The following HK3 variants were observed in gnomAD, a reference collection of about 807,000 sequenced individuals.
HK3 encodes hexokinase-3.
A neutral mutation model predicts 91.0 loss-of-function variants in HK3; 93 were observed. That is an observed-to-expected ratio of 1.02 (90% CI 0.86 to 1.21). HK3 has a LOEUF of 1.21. Among genes scored for constraint, HK3 ranks in the 50% most tolerant of loss-of-function variants. HK3 has a pLI of 0.00. For synonymous variants in HK3, 519 were observed against 516.9 expected, an observed-to-expected ratio of 1.00 and a Z score of -0.06; for missense variants, 1,235 against 1,247.4, an observed-to-expected ratio of 0.99 and a Z score of 0.15.
intron 10 of HK3, 91 bp downstream of exon 10, chr5:176,888,241 C>G (rs1196875722): frequency 6.3e-6 from 7 of 1,107,844 alleles, no homozygotes; most frequent in Non-Finnish European, 9.3e-6. Context: ...TGTCCACTGG[C>G]TTGCACATGT....
chr5:176,898,976 A>G (rs1758974652), intron 1 of HK3, among the ~76,000 whole-genome samples: 1 of 152,208 alleles, frequency 6.6e-6, no homozygotes, highest in Non-Finnish European at 1.5e-5. Context: ...CTAGAAAAAA[A>G]TAACAAAAAT....
At position 176,889,643 on chromosome 5, in the gene HK3, A is replaced by G. The variant is rs752578267; in HGVS notation, c.730+2T>C. 1.9e-6 allele frequency: 3 copies of G among 1,614,108 alleles called. 1 individual carries two copies. The highest frequency in any genetic ancestry group is 3.3e-5 in the Admixed American group (2 of 60,026). ...TGTCATCACAAATGGTCCATGGCTC[A>G]CCTACAACTAGCCCAACCTCACACG... On this transcript the variant is annotated splice_donor_variant, in intron 7 of 18. Coordinates refer to ENST00000292432, the MANE Select transcript of HK3 (RefSeq NM_002115.3). LOFTEE classifies it high-confidence loss of function.
At chr5:176,889,290 A>G in intron 8 of HK3, 91 bp downstream of exon 8, 1 of 1,400,028 alleles carries the variant, frequency 7.1e-7, no homozygotes, top group Admixed American at 2.0e-5. Flanking sequence ...GGAGGGGCCT[A>G]AGGGCCTGAG....
chr5:176,881,702 C>T lies in HK3; in HGVS notation c.2383G>A (p.Glu795Lys). 3.1e-6 allele frequency: 5 copies of T among 1,614,126 alleles called. No homozygotes were observed. The highest frequency in any genetic ancestry group is 4.2e-6 in the Non-Finnish European group (5 of 1,180,038). ...GTAGGCCTCAGGCACCTTTCGATCT[C>T]AGAGAGGAACTTGGTCTTGAAGATG... ...RDIFKTKFLSEIESDSLALRQ... is the reference protein window; with the variant it reads ...RDIFKTKFLSKIESDSLALRQ... The change falls in exon 17 of 19, where the codon GAG becomes AAG. Residue 795 changes from glutamate (E) to lysine (K), a missense_variant. Physicochemically the swap from Glu to Lys is moderately conservative, Grantham distance 56. Transcript: ENST00000292432.
intron 15 of HK3, 86 bp from the exon 16 acceptor site, chr5:176,882,213 TTCGGGCTCAC>T: frequency 7.1e-7 from 1 of 1,404,532 alleles, no homozygotes; most frequent in Non-Finnish European, 9.8e-7. Flanking sequence ...ATGGCAACGA[TTCGGGCTCAC>T]TCTCTCTACC....
chr5:176,883,633 A>G (rs1440892409), intron 15 of HK3, 137 bp downstream of exon 15: 11 of 659,186 alleles, frequency 1.7e-5, no homozygotes, highest in Non-Finnish European at 2.1e-5. Flanking sequence ...AGCCCAAGAG[A>G]TTGTTCCAGA....
chr5:176,891,237 A>G (rs376908987), intron 3 of HK3, 46 bp from the exon 4 acceptor site: 373 of 1,613,672 alleles, frequency 2.3e-4, no homozygotes, highest in Non-Finnish European at 3.1e-4. Flanking sequence ...TGGCAAGACC[A>G]GAGCCCTCTG....
In HK3 at chr5:176,887,560, C is replaced by A. The variant is rs148004045; in HGVS notation, c.1491G>T (p.Leu497=). The part of the protein sequence containing the change: ...LAPFRLNHDQ[L]AAVQAQMRKA... ...TCCGCATCTGTGCCTGAACCGCAGC[C>A]AGTTGATCATGGTTCAACCGGAATG... is the stretch of plus-strand genomic sequence containing the variant. The change falls in exon 11 of 19, where the codon CTG becomes CTT. Residue 497 remains leucine, a synonymous_variant. Transcript: ENST00000292432. This position sits in a 1 kb window ranked among gnomAD's most constrained non-coding sequence, Gnocchi z 4.9. 7.8e-5 allele frequency: 126 copies of A among 1,613,922 alleles called. No homozygotes were observed. Among genetic ancestry groups the A allele is most frequent in the Middle Eastern group, 4.9e-4 (3 of 6,062 alleles).
At position 176,886,090 on chromosome 5, in the gene HK3, G is replaced by A. The variant is rs144507388; in HGVS notation, c.1857+912C>T. On this transcript the variant is annotated intron_variant, in intron 13 of 18. Transcript: ENST00000292432. Reference sequence around the variant, plus strand: ...CATCTCTACTAAAAATGAGCTGGGCGTGTTGGCATGTGCCTGTAGTCCCAG... The same window carrying A: ...CATCTCTACTAAAAATGAGCTGGGCATGTTGGCATGTGCCTGTAGTCCCAG... 2.0e-3 allele frequency among the ~76,000 whole-genome samples: 303 copies of A among 152,164 alleles called. 3 individuals are homozygous for A. The highest frequency in any genetic ancestry group is 6.9e-3 in the African/African-American group (288 of 41,568).
At chr5:176,885,833 G>C (rs1377297219) in intron 13 of HK3, among the ~76,000 whole-genome samples, 1 of 151,926 alleles carries the variant, frequency 6.6e-6, no homozygotes, top group African/African-American at 2.4e-5. Context: ...ATCTTACAAG[G>C]AATAATCAAA....
intron 6 of HK3, among the ~76,000 whole-genome samples, chr5:176,890,321 G>A (rs1758731657): frequency 6.6e-6 from 1 of 152,266 alleles, no homozygotes. Flanking sequence ...TCCTTGACAC[G>A]GACAATCTTT....
rs766022871 is a variant in HK3, at chr5:176,881,969, C to A, written c.2212G>T (p.Ala738Ser). ...CTCTGCTTGCCGGGGTTGATGGACG[C>A]CTGGTCCACACTTGCATCAAAGCGG... ...STRFDASVDQASINPGKQRFE... is the reference protein window; with the variant it reads ...STRFDASVDQSSINPGKQRFE... Residue 738 changes from alanine (A) to serine (S), a missense_variant, in exon 16 of 19, where the codon GCG becomes TCG. This residue lies in a region of HK3 where 513 missense variants were observed against 477.4 expected (regional missense o/e 1.07). Coordinates refer to ENST00000292432, the MANE Select transcript of HK3 (RefSeq NM_002115.3). The A allele has an allele frequency of 1.9e-6, 3 of 1,613,638 alleles. No homozygotes were observed. The highest frequency in any genetic ancestry group is 1.7e-6 in the Non-Finnish European group (2 of 1,180,016).
chr5:176,881,712 C>G lies in HK3; in HGVS notation c.2373G>C (p.Lys791Asn), dbSNP rs781050453. 2 of 1,614,144 alleles carry G rather than the reference C, an allele frequency of 1.2e-6. No homozygotes were observed. Among genetic ancestry groups the G allele is most frequent in the Non-Finnish European group, 1.7e-6 (2 of 1,180,034 alleles). ...GGCACCTTTCGATCTCAGAGAGGAA[C>G]TTGGTCTTGAAGATGTCCCTGGTCT... is the stretch of plus-strand genomic sequence containing the variant. ...RLQTRDIFKT[K>N]FLSEIESDSL... Residue 791 changes from lysine (K) to asparagine (N), a missense_variant, in exon 17 of 19, where the codon AAG (lysine) becomes AAC (asparagine). Physicochemically the swap from Lys to Asn is moderately conservative, Grantham distance 94 (BLOSUM62 0). Around this residue, in one of 3 missense-constraint regions of HK3, gnomAD observed 513 missense variants for 477.4 expected, o/e 1.07. Coordinates refer to ENST00000292432, the MANE Select transcript of HK3 (RefSeq NM_002115.3).
Position 176,884,157 on chromosome 5 carries a change from T to C in HK3, c.1858-23A>G. ...GCCCTGGGGTGAGACCGAGAGGAAG[T>C]GGCAGGAAGCTGGAGGCCCCTTCAG... is the stretch of plus-strand genomic sequence containing the variant. On this transcript the variant is annotated intron_variant, in intron 13 of 18. Coordinates refer to ENST00000292432, the MANE Select transcript of HK3 (RefSeq NM_002115.3). The surrounding 1 kb of genome is among the most constrained non-coding windows in gnomAD (Gnocchi z 4.1). 6.2e-7 allele frequency: 1 copy of C among 1,603,590 alleles called. No homozygotes were observed.
intron 3 of HK3, 66 bp downstream of exon 3, chr5:176,891,322 G>C: frequency 1.2e-6 from 2 of 1,605,860 alleles, no homozygotes; most frequent in Non-Finnish European, 1.7e-6. Flanking sequence ...AATAAGGAAC[G>C]TTTCCCTCCC....
intron 2 of HK3, 61 bp from the exon 3 acceptor site, chr5:176,891,611 C>A: frequency 6.5e-7 from 1 of 1,543,110 alleles, no homozygotes; most frequent in Non-Finnish European, 8.8e-7. Context: ...GACTCCCCAC[C>A]TCCAAACAAG....
At position 176,887,561 on chromosome 5, in the gene HK3, A is replaced by G; in HGVS notation, c.1490T>C (p.Leu497Pro). The G allele has an allele frequency of 2.5e-6, 4 of 1,613,910 alleles. No individual in the cohort carries two copies. Among genetic ancestry groups the G allele is most frequent in the Non-Finnish European group, 3.4e-6 (4 of 1,180,004 alleles). ...LAPFRLNHDQ[L>P]AAVQAQMRKA... ...CCGCATCTGTGCCTGAACCGCAGCC[A>G]GTTGATCATGGTTCAACCGGAATGG... The change falls in exon 11 of 19, where the codon CTG (leucine) becomes CCG (proline). Residue 497 changes from leucine (L) to proline (P), a missense_variant. By Grantham distance (98) the Leu-to-Pro change is moderately conservative. Around this residue, in one of 3 missense-constraint regions of HK3, gnomAD observed 717 missense variants for 751.6 expected, o/e 0.95. Coordinates refer to ENST00000292432, the MANE Select transcript of HK3 (RefSeq NM_002115.3). This position sits in a 1 kb window ranked among gnomAD's most constrained non-coding sequence, Gnocchi z 4.9.
Position 176,896,138 on chromosome 5 carries a change from C to T in HK3, c.22G>A (p.Gly8Arg). 6.2e-7 allele frequency: 1 copy of T among 1,611,614 alleles called. No individual in the cohort carries two copies. The highest frequency in any genetic ancestry group is 8.5e-7 in the Non-Finnish European group (1 of 1,178,878). Residue 8 changes from glycine to arginine, a missense_variant, in exon 2 of 19, where the codon GGG becomes AGG. Physicochemically the swap from Gly to Arg is moderately radical, Grantham distance 125 (BLOSUM62 -2). Transcript: ENST00000292432. Reference protein sequence around the residue: MDSIGSSGLRQGEETLSC... With the variant: MDSIGSSRLRQGEETLSC... ...AGGGTTTCTTCCCCCTGCCGCAACC[C>T]TGAAGACCCAATGGAGTCCATGAGC...
At position 176,887,297 on chromosome 5, in the gene HK3, G is replaced by T; in HGVS notation, c.1641C>A (p.Asn547Lys). The T allele has an allele frequency of 3.1e-6, 5 of 1,614,060 alleles. No homozygotes were observed. The highest frequency in any genetic ancestry group is 4.2e-6 in the Non-Finnish European group (5 of 1,180,020). Reference sequence around the variant, plus strand: ...TCACACGTACCAGGAGGACACGGAAGTTCGTGCCCCCGAGGTCCAGGGCCA... The same window carrying T: ...TCACACGTACCAGGAGGACACGGAATTTCGTGCCCCCGAGGTCCAGGGCCA... ...DFLALDLGGT[N>K]FRVLLVRVTT... The change falls in exon 12 of 19, where the codon AAC (asparagine) becomes AAA (lysine). Residue 547 changes from asparagine (N) to lysine (K), a missense_variant. Asn to Lys is a moderately conservative substitution (Grantham distance 94). This residue lies in a region of HK3 where 717 missense variants were observed against 751.6 expected (regional missense o/e 0.95). Transcript: ENST00000292432. This position sits in a 1 kb window ranked among gnomAD's most constrained non-coding sequence, Gnocchi z 4.9.
Sources: gnomAD v4.1 joint callset for allele counts (sites outside exome capture counted in the v4.1 genomes callset) on GRCh38, gnomAD v4.1.1 for gene constraint, gnomAD v4.1.1 regional missense constraint, Gnocchi (gnomAD v3.1) non-coding constraint, MANE v1.5 for transcripts, NCBI Gene and HGNC (gene_info 2026-07-23, HGNC 2026-07-21) for gene names.